Variants in TENM4 observed in about 807,000 individuals in gnomAD.
The protein encoded by TENM4 is teneurin-4.
In TENM4, 82 loss-of-function variants were observed where a neutral mutation model predicts 243.3. The ratio of observed to expected loss-of-function variants is 0.34; its 90% CI spans 0.28 to 0.40. The LOEUF is 0.40. TENM4 is among the 10% of genes least tolerant of loss of function. The pLI, the probability that TENM4 is intolerant of heterozygous loss-of-function variation, is 1.00. For missense variants in TENM4, 3,138 were observed against 3,673.3 expected (o/e 0.85, Z 3.77); for synonymous variants, 1,412 against 1,456.3 (o/e 0.97, Z 0.69).
chr11:79,307,657 C>T (rs1181918222), intron 1 of TENM4, among the ~76,000 whole-genome samples: 1 of 152,180 alleles, frequency 6.6e-6, no homozygotes. Context: ...TCAGCAGCCC[C>T]ATTTCCTTTT....
chr11:78,865,982 A>G (rs964105977), intron 9 of TENM4, among the ~76,000 whole-genome samples: 3 of 152,220 alleles, frequency 2.0e-5, no homozygotes, highest in African/African-American at 7.2e-5. Context: ...CATTCATTGC[A>G]TTTGTACTGT....
chr11:79,308,595 G>A (rs539185303), intron 1 of TENM4, among the ~76,000 whole-genome samples: 59 of 152,320 alleles, frequency 3.9e-4, no homozygotes, highest in African/African-American at 1.4e-3. Flanking sequence ...CCAGCCACAT[G>A]CTCACATTAC....
intron 18 of TENM4, among the ~76,000 whole-genome samples, chr11:78,762,861 T>C (rs539624827): frequency 7.9e-5 from 12 of 152,270 alleles, no homozygotes; most frequent in Non-Finnish European, 2.9e-5. Flanking sequence ...AGATGACAAA[T>C]TTTAGAAGAT....
At chr11:78,991,121 T>C (rs534151560) in intron 6 of TENM4, among the ~76,000 whole-genome samples, 40 of 152,272 alleles carry the variant, frequency 2.6e-4, no homozygotes, top group Non-Finnish European at 1.9e-4. Context: ...AGCTTGTTTT[T>C]GGTAGTCACA....
intron 4 of TENM4, among the ~76,000 whole-genome samples, chr11:79,122,432 G>A (rs1166152393): frequency 1.3e-5 from 2 of 152,146 alleles, no homozygotes; most frequent in Non-Finnish European, 2.9e-5. Flanking sequence ...CACAAAGCAG[G>A]GGGTCTGATT....
chr11:79,209,691 G>A (rs560318479), intron 3 of TENM4, among the ~76,000 whole-genome samples: 41 of 152,316 alleles, frequency 2.7e-4, no homozygotes, highest in African/African-American at 8.7e-4. Context: ...AGCTGAAACC[G>A]GCATGAGGTT....
At chr11:78,735,778 C>T (rs1855772289) in intron 20 of TENM4, among the ~76,000 whole-genome samples, 1 of 152,118 alleles carries the variant, frequency 6.6e-6, no homozygotes, top group South Asian at 2.1e-4. Flanking sequence ...ATTGATTATA[C>T]AGATGGGATA....
chr11:79,042,119 C>T (rs1859549159), intron 6 of TENM4, among the ~76,000 whole-genome samples: 1 of 152,212 alleles, frequency 6.6e-6, no homozygotes, highest in Non-Finnish European at 1.5e-5. Flanking sequence ...TACCCCTACA[C>T]CTTTAATTTC....
At chr11:78,880,457 TAAAAAAAAAAAAAAA>T (rs71763484) in intron 9 of TENM4, among the ~76,000 whole-genome samples, 3 of 104,646 alleles carry the variant, frequency 2.9e-5, no homozygotes, top group South Asian at 2.6e-4. Context: ...CAATAAATAC[TAAAAAAAAAAAAAAA>T]AAAAAAAAAA....
At chr11:79,371,929 G>C (rs1857795962) in intron 1 of TENM4, among the ~76,000 whole-genome samples, 1 of 152,196 alleles carries the variant, frequency 6.6e-6, no homozygotes, top group South Asian at 2.1e-4. Flanking sequence ...AAAGTGAGCA[G>C]AGATAAGAGG....
At chr11:79,388,668 G>A (rs534287252) in intron 1 of TENM4, among the ~76,000 whole-genome samples, 3 of 152,288 alleles carry the variant, frequency 2.0e-5, no homozygotes, top group African/African-American at 4.8e-5. Context: ...AGCACCACTC[G>A]ATGGGATGCC....
At chr11:79,232,740 T>C (rs957960995) in intron 2 of TENM4, among the ~76,000 whole-genome samples, 3 of 152,232 alleles carry the variant, frequency 2.0e-5, no homozygotes, top group Non-Finnish European at 4.4e-5. Context: ...GAGCAGTGTC[T>C]GGGAGAATAA....
At chr11:79,367,385 C>T (rs1857697090) in intron 1 of TENM4, among the ~76,000 whole-genome samples, 2 of 152,160 alleles carry the variant, frequency 1.3e-5, no homozygotes, top group Admixed American at 1.3e-4. Context: ...ATTTTTATTT[C>T]TCTCTCTTCT....
In TENM4 at chr11:79,430,130, T is replaced by G. The variant is rs1335801644; in HGVS notation, c.-321+10379A>C. 2.2e-4 allele frequency among the ~76,000 whole-genome samples: 33 copies of G among 151,842 alleles called. 1 individual carries two copies. Among genetic ancestry groups the G allele is most frequent in the Admixed American group, 2.2e-3 (33 of 15,264 alleles). On this transcript the variant is annotated intron_variant, in intron 1 of 33. Coordinates refer to ENST00000278550, the MANE Select transcript of TENM4 (RefSeq NM_001098816.3). ...TGGAATGTGGCTTGGCTGCTGTCAC[T>G]TAGCAGCGTTGGGCTACTTTTTTAG...
In TENM4 at chr11:79,260,541, C is replaced by A. The variant is rs115712442; in HGVS notation, c.-265+36947G>T. Among the ~76,000 whole-genome samples the A allele has an allele frequency of 4.5e-3, 688 of 152,270 alleles. 8 individuals are homozygous for A. Among genetic ancestry groups the A allele is most frequent in the African/African-American group, 0.016 (660 of 41,550 alleles). On this transcript the variant is annotated intron_variant, in intron 2 of 33. Transcript: ENST00000278550. Reference sequence around the variant, plus strand: ...TATGATTTACTTCAGGTAATGGAACCAGGGAACCTAGGTCTGTCTGTTTTC... The same window carrying A: ...TATGATTTACTTCAGGTAATGGAACAAGGGAACCTAGGTCTGTCTGTTTTC...
At chr11:78,999,970 A>T (rs1858273081) in intron 6 of TENM4, among the ~76,000 whole-genome samples, 1 of 152,264 alleles carries the variant, frequency 6.6e-6, no homozygotes, top group South Asian at 2.1e-4. Flanking sequence ...GAGACACATC[A>T]TAAACTGTTG....
chr11:79,378,656 A>G (rs952102655), intron 1 of TENM4, among the ~76,000 whole-genome samples: 1 of 152,154 alleles, frequency 6.6e-6, no homozygotes, highest in Non-Finnish European at 1.5e-5. Context: ...TAATGAACTG[A>G]GAGGCACAGG....
intron 3 of TENM4, among the ~76,000 whole-genome samples, chr11:79,154,838 G>T (rs1046571529): frequency 6.6e-6 from 1 of 152,150 alleles, no homozygotes; most frequent in Non-Finnish European, 1.5e-5. Flanking sequence ...TCTGAAGCAG[G>T]CCCACCTGTA....
intron 2 of TENM4, among the ~76,000 whole-genome samples, chr11:79,231,841 A>G (rs994269313): frequency 2.6e-5 from 4 of 152,200 alleles, no homozygotes; most frequent in African/African-American, 9.6e-5. Flanking sequence ...GCACTTTGGG[A>G]GGCTGAGGCA....
Sources: gnomAD v4.1 joint callset for allele counts (sites outside exome capture counted in the v4.1 genomes callset) on GRCh38, gnomAD v4.1.1 for gene constraint, MANE v1.5 for transcripts, NCBI Gene and HGNC (gene_info 2026-07-23, HGNC 2026-07-21) for gene names.